SH3GL2: variants seen among roughly 807,000 people sequenced by gnomAD.
The protein encoded by SH3GL2 is endophilin-A1.
A neutral mutation model predicts 46.0 loss-of-function variants in SH3GL2; 24 were observed. The observed-to-expected ratio is 0.52, with a 90% CI of 0.38 to 0.73. The LOEUF (loss-of-function observed/expected upper bound fraction) is 0.73, where lower values mean the gene tolerates loss of function less well. Ranked by LOEUF, SH3GL2 falls within the 30% of genes least tolerant of loss-of-function variation. SH3GL2 has a pLI of 0.00. For missense variants in SH3GL2, 413 were observed against 424.2 expected (o/e 0.97, Z 0.23); for synonymous variants, 196 against 147.1 (o/e 1.33, Z -2.40).
chr9:17,579,107 C>CCGCGCCCT lies in SH3GL2; in HGVS notation c.-128_-121dup, dbSNP rs1413453943. 5 of 527,626 alleles carry CCGCGCCCT rather than the reference C, an allele frequency of 9.5e-6. No individual in the cohort carries two copies. In the East Asian group the frequency reaches 1.1e-4, roughly 12 times the overall value. 32.7% of individuals were successfully genotyped at this position (527,626 alleles called of 1,614,324 possible). On this transcript the variant is annotated 5_prime_UTR_variant, in exon 1 of 9. Coordinates refer to ENST00000380607, the MANE Select transcript of SH3GL2 (RefSeq NM_003026.5). ...GCAAGAGCCCGTGTCCCGCTAGGCT[C>CCGCGCCCT]CGCGCCCTCGCGCCCATAGCCCCGG...
intron 1 of SH3GL2, among the ~76,000 whole-genome samples, chr9:17,711,552 C>G (rs1407382239): frequency 6.6e-6 from 1 of 151,764 alleles, no homozygotes; most frequent in African/African-American, 2.4e-5. Flanking sequence ...GTTTTGGATA[C>G]CTGTAATCAT....
chr9:17,651,842 C>T (rs1253065455), intron 1 of SH3GL2, among the ~76,000 whole-genome samples: 1 of 152,070 alleles, frequency 6.6e-6, no homozygotes, highest in Non-Finnish European at 1.5e-5. Flanking sequence ...CTCATTACTT[C>T]AGTAGTTATT....
At chr9:17,640,275 G>C (rs189543893) in intron 1 of SH3GL2, among the ~76,000 whole-genome samples, 62 of 151,868 alleles carry the variant, frequency 4.1e-4, no homozygotes, top group African/African-American at 1.5e-3. Context: ...TAATAATAAA[G>C]GATTATTTTT....
chr9:17,679,553 A>G (rs10810826), intron 1 of SH3GL2, among the ~76,000 whole-genome samples: 49,655 of 151,970 alleles, frequency 0.33, 8,482 homozygotes, highest in East Asian at 0.53. Context: ...TTTTCTAGAT[A>G]TACAATCATG....
intron 3 of SH3GL2, among the ~76,000 whole-genome samples, chr9:17,776,073 A>C (rs914620968): frequency 2.0e-5 from 3 of 152,080 alleles, no homozygotes; most frequent in Admixed American, 6.6e-5. Flanking sequence ...GGGTGGGGAG[A>C]AAAATAGGGT....
intron 7 of SH3GL2, among the ~76,000 whole-genome samples, chr9:17,792,858 G>T (rs1824172521): frequency 6.6e-6 from 1 of 152,146 alleles, no homozygotes; most frequent in Non-Finnish European, 1.5e-5. Flanking sequence ...GTAATCAGTT[G>T]TTTGTGTTCT....
intron 1 of SH3GL2, among the ~76,000 whole-genome samples, chr9:17,613,018 T>G (rs1818903867): frequency 6.6e-6 from 1 of 152,248 alleles, no homozygotes; most frequent in Non-Finnish European, 1.5e-5. Context: ...GCTTCATTCC[T>G]TTTTTACTGC....
chr9:17,783,136 C>A (rs768196843), intron 3 of SH3GL2, among the ~76,000 whole-genome samples: 1 of 152,066 alleles, frequency 6.6e-6, no homozygotes, highest in Non-Finnish European at 1.5e-5. Flanking sequence ...TGCTGTTTAT[C>A]ATTGAACACT....
At chr9:17,625,124 A>G (rs956529589) in intron 1 of SH3GL2, among the ~76,000 whole-genome samples, 2 of 151,692 alleles carry the variant, frequency 1.3e-5, no homozygotes, top group Non-Finnish European at 2.9e-5. Flanking sequence ...ACATTTTGGC[A>G]CTCTCTCATG....
intron 1 of SH3GL2, among the ~76,000 whole-genome samples, chr9:17,680,498 C>T (rs144179523): frequency 0.11 from 16,057 of 151,742 alleles, 1,079 homozygotes; most frequent in Admixed American, 0.19. Flanking sequence ...TTTTTTATTG[C>T]GTCTATTTGA....
At chr9:17,678,240 C>T (rs1383522596) in intron 1 of SH3GL2, among the ~76,000 whole-genome samples, 2 of 151,866 alleles carry the variant, frequency 1.3e-5, no homozygotes, top group African/African-American at 4.8e-5. Context: ...AACTAGTTTA[C>T]AGTCCCACCA....
rs145476015 is a variant in SH3GL2 at position 17,762,212 on chromosome 9, C to T, written c.187+703C>T. 5.1e-4 allele frequency among the ~76,000 whole-genome samples: 77 copies of T among 152,120 alleles called. 1 individual carries two copies. Among genetic ancestry groups the T allele is most frequent in the Middle Eastern group, 6.8e-3 (2 of 294 alleles). On this transcript the variant is annotated intron_variant, in intron 3 of 8. Coordinates refer to ENST00000380607, the MANE Select transcript of SH3GL2 (RefSeq NM_003026.5). The stretch of plus-strand genomic sequence containing the variant: ...AGTTTCTAACCACAGGGCACGGAAA[C>T]GGGAAGTGAGGCTGGTTGTATTTAA...
chr9:17,612,628 G>A (rs1301340683), intron 1 of SH3GL2, among the ~76,000 whole-genome samples: 3 of 152,168 alleles, frequency 2.0e-5, no homozygotes, highest in African/African-American at 7.2e-5. Context: ...AATTGTGGGA[G>A]TGTGTTCTCA....
intron 1 of SH3GL2, among the ~76,000 whole-genome samples, chr9:17,623,318 G>A (rs1324809257): frequency 1.3e-5 from 2 of 152,168 alleles, no homozygotes; most frequent in East Asian, 3.9e-4. Context: ...GAAGCTAGCT[G>A]GCGAGGTTCA....
chr9:17,638,316 G>C (rs2134638034), intron 1 of SH3GL2, among the ~76,000 whole-genome samples: 1 of 151,048 alleles, frequency 6.6e-6, no homozygotes, highest in African/African-American at 2.4e-5. Flanking sequence ...CTATTATCCA[G>C]ATATTTATTG....
intron 1 of SH3GL2, among the ~76,000 whole-genome samples, chr9:17,621,952 A>T (rs941622859): frequency 3.9e-5 from 6 of 152,152 alleles, no homozygotes; most frequent in Non-Finnish European, 7.3e-5. Flanking sequence ...TTCTGGCCTC[A>T]GTTTTCCACA....
chr9:17,710,429 G>A (rs977775953), intron 1 of SH3GL2, among the ~76,000 whole-genome samples: 1 of 151,904 alleles, frequency 6.6e-6, no homozygotes, highest in Non-Finnish European at 1.5e-5. Context: ...GAGTGTTATG[G>A]TCAGGTATTC....
intron 1 of SH3GL2, among the ~76,000 whole-genome samples, chr9:17,707,474 A>G (rs186626358): frequency 7.9e-5 from 12 of 152,116 alleles, no homozygotes; most frequent in Admixed American, 1.3e-4. Flanking sequence ...TGGTAAGCCA[A>G]TGTCACCTTC....
At chr9:17,722,917 C>G (rs1821930620) in intron 1 of SH3GL2, among the ~76,000 whole-genome samples, 1 of 152,124 alleles carries the variant, frequency 6.6e-6, no homozygotes, top group Non-Finnish European at 1.5e-5. Context: ...AGCTCATTAT[C>G]TCAGCTTCAC....
Sources: gnomAD v4.1 joint callset for allele counts (sites outside exome capture counted in the v4.1 genomes callset) on GRCh38, gnomAD v4.1.1 for gene constraint, MANE v1.5 for transcripts, NCBI Gene and HGNC (gene_info 2026-07-23, HGNC 2026-07-21) for gene names.